The following MGAT4C variants were observed in gnomAD, a reference collection of about 807,000 sequenced individuals.
MGAT4C encodes alpha-1,3-mannosyl-glycoprotein 4-beta-N-acetylglucosaminyltransferase C.
Under a neutral mutation model 40.1 loss-of-function variants are expected in MGAT4C, and 19 were observed. The ratio of observed to expected loss-of-function variants is 0.47; its 90% confidence interval spans 0.33 to 0.70. The LOEUF is 0.70. Among genes scored for constraint, MGAT4C ranks in the 30% least tolerant of loss-of-function variants. The pLI is 0.02. For synonymous variants in MGAT4C, 181 were observed against 187.1 expected, an observed-to-expected ratio of 0.97 and a Z score of 0.27; for missense variants, 491 against 563.2, an observed-to-expected ratio of 0.87 and a Z score of 1.30.
chr12:86,130,939 TA>T (rs1881083399), intron 1 of MGAT4C, among the ~76,000 whole-genome samples: 1 of 152,082 alleles, frequency 6.6e-6, no homozygotes, highest in African/African-American at 2.4e-5. Flanking sequence ...TTATTATTAC[TA>T]GTACTATTTC....
rs1001402055 is a variant in MGAT4C at position 86,707,616 on chromosome 12, C to T, written c.-229+19593G>A. Among the ~76,000 whole-genome samples the T allele has an allele frequency of 9.2e-5, 14 of 151,576 alleles. No homozygotes were observed. In the South Asian group the frequency reaches 1.0e-3, roughly 11 times the overall value. The stretch of plus-strand genomic sequence containing the variant: ...CACAATCACAGCTCACTGCAACCTC[C>T]GCCTCCCAGATTCAAGTGATTCTCC... On this transcript the variant is annotated intron_variant, in intron 2 of 7. Coordinates refer to the MGAT4C transcript ENST00000548651.
At chr12:86,296,696 A>G (rs1435895186) in intron 4 of MGAT4C, among the ~76,000 whole-genome samples, 1 of 152,152 alleles carries the variant, frequency 6.6e-6, no homozygotes, top group African/African-American at 2.4e-5. Context: ...AGCGGCTCCG[A>G]GTGCGGGGCC....
chr12:86,206,505 G>T (rs1169789742), intron 1 of MGAT4C, among the ~76,000 whole-genome samples: 2 of 152,126 alleles, frequency 1.3e-5, no homozygotes, highest in East Asian at 3.9e-4. Context: ...TAATAGGATA[G>T]ACGGTATTTC....
chr12:86,085,373 T>A (rs1359620631), intron 1 of MGAT4C, among the ~76,000 whole-genome samples: 1 of 152,130 alleles, frequency 6.6e-6, no homozygotes, highest in Non-Finnish European at 1.5e-5. Flanking sequence ...CGTAAGTTAA[T>A]TTTTGTATAA....
chr12:86,012,110 A>G (rs1888516053), intron 2 of MGAT4C, among the ~76,000 whole-genome samples: 1 of 152,192 alleles, frequency 6.6e-6, no homozygotes, highest in Non-Finnish European at 1.5e-5. Context: ...TATTATCATG[A>G]TTTGAGTGAA....
chr12:86,429,101 A>C (rs1255213362), intron 3 of MGAT4C, among the ~76,000 whole-genome samples: 2 of 152,008 alleles, frequency 1.3e-5, no homozygotes, highest in Non-Finnish European at 2.9e-5. Context: ...TACCTATTGC[A>C]AGAACTTTGC....
In MGAT4C at chr12:86,497,991, ATATAT is replaced by A. The variant is rs1157359494; in HGVS notation, c.-228-62731_-228-62727del. 1.2e-3 allele frequency among the ~76,000 whole-genome samples: 173 copies of A among 145,370 alleles called. 1 individual carries two copies. Among genetic ancestry groups the A allele is most frequent in the African/African-American group, 3.7e-3 (147 of 40,068 alleles). On this transcript the variant is annotated intron_variant, in intron 2 of 7. Coordinates refer to the MGAT4C transcript ENST00000548651. ...AATATATATTATATATATAATCTTT[ATATAT>A]TATATTATATAATCTTTTTTGGTTT...
intron 1 of MGAT4C, among the ~76,000 whole-genome samples, chr12:86,089,556 C>T (rs1215281292): frequency 6.6e-6 from 1 of 151,706 alleles, no homozygotes. Context: ...ATTGATTTAG[C>T]AATTTCTCTG....
Position 86,277,571 on chromosome 12 carries a change from T to G in MGAT4C, c.-57+56494A>C, listed in dbSNP as rs59984454. On this transcript the variant is annotated intron_variant, in intron 4 of 7. Coordinates refer to the MGAT4C transcript ENST00000548651. ...TTAATCAATTTTGATTTCAATTTTG[T>G]GTATGACAGAATAGAGTGGGGTAGT... is the stretch of plus-strand genomic sequence containing the variant. Among the ~76,000 whole-genome samples, 455 of 152,330 alleles carry G rather than the reference T, an allele frequency of 3.0e-3. 2 individuals are homozygous for G. Among genetic ancestry groups the G allele is most frequent in the African/African-American group, 0.01 (435 of 41,578 alleles).
intron 1 of MGAT4C, among the ~76,000 whole-genome samples, chr12:86,064,374 C>T (rs563100912): frequency 9.2e-5 from 14 of 151,970 alleles, no homozygotes; most frequent in South Asian, 2.1e-4. Context: ...AGCGAGACTA[C>T]GTCTCAAAAA....
chr12:86,438,150 T>A (rs895023698), intron 2 of MGAT4C, among the ~76,000 whole-genome samples: 1 of 151,918 alleles, frequency 6.6e-6, no homozygotes, highest in Admixed American at 6.6e-5. Flanking sequence ...AAAGTGCTAG[T>A]CCAGTGAAAA....
intron 3 of MGAT4C, among the ~76,000 whole-genome samples, chr12:86,413,386 G>A (rs1254128971): frequency 6.6e-6 from 1 of 152,176 alleles, no homozygotes; most frequent in Non-Finnish European, 1.5e-5. Flanking sequence ...AAGGTAAGAT[G>A]CCTAATAAAC....
At chr12:86,458,527 A>C (rs1039858934) in intron 2 of MGAT4C, among the ~76,000 whole-genome samples, 3 of 152,202 alleles carry the variant, frequency 2.0e-5, no homozygotes, top group African/African-American at 7.2e-5. Flanking sequence ...AGAATGTAGA[A>C]AACAATTATA....
intron 2 of MGAT4C, among the ~76,000 whole-genome samples, chr12:86,464,952 T>C (rs941622416): frequency 1.3e-5 from 2 of 152,098 alleles, no homozygotes; most frequent in African/African-American, 2.4e-5. Context: ...TTTTGTTGGG[T>C]TGTTCTAGAA....
chr12:86,370,569 T>C (rs1000065708), intron 3 of MGAT4C, among the ~76,000 whole-genome samples: 1 of 152,024 alleles, frequency 6.6e-6, no homozygotes, highest in African/African-American at 2.4e-5. Flanking sequence ...AAAGTATAGA[T>C]AGGTGCTAAC....
intron 1 of MGAT4C, among the ~76,000 whole-genome samples, chr12:86,073,921 G>A (rs1032763400): frequency 7.9e-5 from 12 of 152,120 alleles, no homozygotes; most frequent in African/African-American, 2.9e-4. Flanking sequence ...GAGGACATGA[G>A]ATTTGGAGGG....
At chr12:86,378,643 A>T (rs1955875330) in intron 3 of MGAT4C, among the ~76,000 whole-genome samples, 1 of 152,164 alleles carries the variant, frequency 6.6e-6, no homozygotes, top group African/African-American at 2.4e-5. Context: ...ACCTACAGAA[A>T]GTTTGAATTA....
chr12:86,052,937 G>A (rs957661573), intron 1 of MGAT4C, among the ~76,000 whole-genome samples: 4 of 151,892 alleles, frequency 2.6e-5, no homozygotes, highest in Admixed American at 6.6e-5. Context: ...ATCTCTATAA[G>A]CTGAGTGGTG....
At chr12:86,269,787 T>C (rs1952895862) in intron 4 of MGAT4C, among the ~76,000 whole-genome samples, 1 of 152,186 alleles carries the variant, frequency 6.6e-6, no homozygotes. Flanking sequence ...GCATAAAAAG[T>C]CAATATAGTT....
Sources: allele counts gnomAD v4.1 joint callset (sites outside exome capture counted in the v4.1 genomes callset), GRCh38; gene constraint gnomAD v4.1.1; transcripts MANE v1.5; gene names NCBI Gene and HGNC (gene_info 2026-07-23, HGNC 2026-07-21).